Variants in CYREN observed in about 807,000 individuals in gnomAD.
The protein encoded by CYREN is cell cycle regulator of NHEJ, also known as cell cycle regulator of non-homologous end joining.
Under a neutral mutation model 9.7 loss-of-function variants are expected in CYREN, and 7 were observed. The ratio of observed to expected loss-of-function variants is 0.72; its 90% CI spans 0.41 to 1.36. The LOEUF (loss-of-function observed/expected upper bound fraction) is 1.36. Among genes scored for constraint, CYREN ranks in the 40% most tolerant of loss-of-function variants. The pLI is 0.01. For synonymous variants in CYREN, 76 were observed against 77.9 expected (o/e 0.98, Z 0.13); for missense variants, 215 against 198.1 (o/e 1.09, Z -0.51).
intron 2 of CYREN, chr7:135,115,523 C>T: frequency 6.4e-7 from 1 of 1,551,458 alleles, no homozygotes; most frequent in Non-Finnish European, 8.7e-7. Context: ...GCAGTATTTG[C>T]TCCCCATCGT....
At chr7:135,121,988 T>C (rs997149546) in intron 2 of CYREN, among the ~76,000 whole-genome samples, 2 of 152,220 alleles carry the variant, frequency 1.3e-5, no homozygotes, top group African/African-American at 4.8e-5. Context: ...AATAGCCTCT[T>C]AGCTGGAATC....
At chr7:135,140,813 G>C (rs182382814) in intron 2 of CYREN, among the ~76,000 whole-genome samples, 173 of 152,188 alleles carry the variant, frequency 1.1e-3, no homozygotes, top group African/African-American at 3.8e-3. Flanking sequence ...CATCTATTAA[G>C]ATGATCAATA....
At chr7:135,141,372 T>A (rs1829450086) in intron 2 of CYREN, among the ~76,000 whole-genome samples, 1 of 152,080 alleles carries the variant, frequency 6.6e-6, no homozygotes, top group South Asian at 2.1e-4. Context: ...TCTGAGGGTT[T>A]CTTATACTTT....
intron 2 of CYREN, chr7:135,101,403 A>C (rs1823809774): frequency 2.8e-6 from 1 of 358,882 alleles, no homozygotes; most frequent in Non-Finnish European, 5.5e-6. Flanking sequence ...TGAGATTGAT[A>C]GCTATTTTAG....
At chr7:135,134,713 A>T in intron 2 of CYREN, 1 of 883,362 alleles carries the variant, frequency 1.1e-6, no homozygotes, top group Non-Finnish European at 1.7e-6. Flanking sequence ...TGATGGTAAA[A>T]TTCTTAAACT....
chr7:135,144,385 G>A (rs1414844084), intron 2 of CYREN, among the ~76,000 whole-genome samples: 3 of 152,180 alleles, frequency 2.0e-5, no homozygotes, highest in Non-Finnish European at 4.4e-5. Context: ...AGAGAGCTCT[G>A]AAGCTGTCCT....
intron 2 of CYREN, among the ~76,000 whole-genome samples, chr7:135,096,578 T>TAGATAGATAGATAGAG (rs1822803766): frequency 3.0e-5 from 1 of 33,278 alleles, no homozygotes; most frequent in Non-Finnish European, 7.1e-5. Flanking sequence ...GATAGATAGA[T>TAGATAGATAGATAGAG]AGATACATAG....
intron 3 of CYREN, 145 bp from the exon 4 acceptor site, chr7:135,167,016 AC>A (rs1830203271): frequency 1.4e-6 from 2 of 1,455,496 alleles, no homozygotes; most frequent in African/African-American, 2.8e-5. Context: ...CTGAGCACCC[AC>A]CCTCTCTTCA....
In CYREN at chr7:135,154,432, G is replaced by C. The variant is rs566080407; in HGVS notation, n.356+14317C>G. On this transcript the variant is annotated intron_variant and non_coding_transcript_variant, in intron 2 of 2. Transcript: ENST00000459937. ...TGGTTTGTTCCTTTTCTAATTCCTT[G>C]AGGTGCAATGTTAGGTTGTTAATTT... 4.6e-5 allele frequency among the ~76,000 whole-genome samples: 7 copies of C among 151,910 alleles called. No homozygotes were observed. In the South Asian group the frequency reaches 1.5e-3, roughly 32 times the overall value.
At chr7:135,167,359 C>T in intron 3 of CYREN, 1 of 1,099,690 alleles carries the variant, frequency 9.1e-7, no homozygotes, top group Non-Finnish European at 1.1e-6. Flanking sequence ...TCAGCATCCT[C>T]TGCTCAGGAG....
chr7:135,097,757 A>G (rs1308570014), intron 2 of CYREN, among the ~76,000 whole-genome samples: 1 of 152,118 alleles, frequency 6.6e-6, no homozygotes, highest in Admixed American at 6.5e-5. Flanking sequence ...TTAGACATGT[A>G]CCTGAGTTAT....
At chr7:135,160,451 A>G (rs1829900835) in intron 2 of CYREN, among the ~76,000 whole-genome samples, 1 of 152,236 alleles carries the variant, frequency 6.6e-6, no homozygotes, top group South Asian at 2.1e-4. Context: ...GGGGAAGTAG[A>G]GAAGAGTGTC....
At chr7:135,128,062 G>C (rs1238967885) in intron 2 of CYREN, among the ~76,000 whole-genome samples, 1 of 152,072 alleles carries the variant, frequency 6.6e-6, no homozygotes, top group East Asian at 1.9e-4. Flanking sequence ...GGGAGGCCAA[G>C]GTGGGTGGAT....
At chr7:135,133,067 GCACACACACACA>G (rs55861736) in intron 2 of CYREN, among the ~76,000 whole-genome samples, 121 of 150,316 alleles carry the variant, frequency 8.0e-4, no homozygotes, top group African/African-American at 2.0e-3. Context: ...ACGCATGCGT[GCACACACACACA>G]CACACACACA....
intron 2 of CYREN, among the ~76,000 whole-genome samples, chr7:135,155,393 T>C (rs1829765175): frequency 6.6e-6 from 1 of 152,262 alleles, no homozygotes; most frequent in Non-Finnish European, 1.5e-5. Context: ...GGTTGTTTTA[T>C]AGACTCTTTG....
downstream of CYREN, chr7:135,165,680 C>A (rs564842060): frequency 4.8e-5 from 8 of 167,104 alleles, no homozygotes; most frequent in South Asian, 2.1e-4. Context: ...CCCTGGAGGA[C>A]TCCAAATCCT....
At chr7:135,148,830 A>C (rs1322003920) in intron 2 of CYREN, among the ~76,000 whole-genome samples, 1 of 152,206 alleles carries the variant, frequency 6.6e-6, no homozygotes, top group African/African-American at 2.4e-5. Flanking sequence ...ATTGCTCCTC[A>C]TGCCCCAGTG....
chr7:135,104,640 A>G (rs1474771790), intron 2 of CYREN, among the ~76,000 whole-genome samples: 1 of 152,146 alleles, frequency 6.6e-6, no homozygotes, highest in Non-Finnish European at 1.5e-5. Flanking sequence ...GTGAGATGGT[A>G]TCTCATTGTG....
downstream of CYREN, among the ~76,000 whole-genome samples, chr7:135,163,473 C>T (rs1830000774): frequency 6.6e-6 from 1 of 151,914 alleles, no homozygotes; most frequent in African/African-American, 2.4e-5. Context: ...TGGTGAAACC[C>T]ATCTCTACCA....
Sources: allele counts gnomAD v4.1 joint callset (sites outside exome capture counted in the v4.1 genomes callset), GRCh38; gene constraint gnomAD v4.1.1; transcripts MANE v1.5; gene names NCBI Gene and HGNC (gene_info 2026-07-23, HGNC 2026-07-21).